Variants in SLC29A3 observed in about 807,000 individuals in gnomAD.
SLC29A3 encodes solute carrier family 29 member 3.
SLC29A3 carries 18 observed loss-of-function variants against 25.4 expected under a neutral mutation model. The ratio of observed to expected loss-of-function variants is 0.71; its 90% CI spans 0.49 to 1.05. The LOEUF (loss-of-function observed/expected upper bound fraction) is 1.05, where lower values mean the gene tolerates loss of function less well. Among genes scored for constraint, SLC29A3 ranks in the 50% least tolerant of loss-of-function variants. SLC29A3 has a pLI of 0.00. For missense variants in SLC29A3, 586 were observed against 609.0 expected (o/e 0.96, Z 0.40); for synonymous variants, 258 against 267.1 (o/e 0.97, Z 0.33).
intron 5 of SLC29A3, among the ~76,000 whole-genome samples, chr10:71,357,117 T>A (rs1319621962): frequency 6.6e-6 from 1 of 151,652 alleles, no homozygotes; most frequent in Non-Finnish European, 1.5e-5. Context: ...AGCTATTTTT[T>A]AAAAAAGTTT....
downstream of SLC29A3, chr10:71,365,476 G>C (rs1184231158): frequency 1.3e-5 from 2 of 152,548 alleles, no homozygotes; most frequent in African/African-American, 4.8e-5. Flanking sequence ...GAGTTGGGGG[G>C]CCAGCCATGG....
chr10:71,376,583 G>A (rs1353302052), intron 4 of SLC29A3, among the ~76,000 whole-genome samples: 1 of 152,128 alleles, frequency 6.6e-6, no homozygotes. Flanking sequence ...AGTACCAGAA[G>A]GGCAAAGAAG....
At chr10:71,347,323 G>A (rs1846617557) in intron 3 of SLC29A3, among the ~76,000 whole-genome samples, 1 of 152,180 alleles carries the variant, frequency 6.6e-6, no homozygotes, top group Non-Finnish European at 1.5e-5. Flanking sequence ...GAGTCAGGGA[G>A]TCGGGGGACC....
chr10:71,363,173 A>G lies in SLC29A3; in HGVS notation c.*565A>G, dbSNP rs984245627. On this transcript the variant is annotated 3_prime_UTR_variant, in exon 6 of 6. Coordinates refer to ENST00000373189, the MANE Select transcript of SLC29A3 (RefSeq NM_018344.6). ...ACTAACCAGACTGGAAAACCCAGAA[A>G]GATGGGCCTTCCATGAATGCTTCAT... 1 of 446,012 alleles carries G rather than the reference A, an allele frequency of 2.2e-6. No homozygotes were observed. Among genetic ancestry groups the G allele is most frequent in the Non-Finnish European group, 4.5e-6 (1 of 222,818 alleles). The allele number at this position is 446,012 out of a possible 1,614,324, so 27.6% of individuals were successfully genotyped here. A position where few individuals can be genotyped will look rare whatever the true frequency, so the allele number is the denominator to read the frequency against.
At chr10:71,352,409 A>G (rs1204871234) in intron 4 of SLC29A3, among the ~76,000 whole-genome samples, 2 of 151,944 alleles carry the variant, frequency 1.3e-5, no homozygotes, top group African/African-American at 2.4e-5. Context: ...TTTTTGGATA[A>G]CATGGTCTGC....
intron 3 of SLC29A3, among the ~76,000 whole-genome samples, chr10:71,375,430 C>G (rs962231099): frequency 1.9e-4 from 29 of 152,326 alleles, no homozygotes; most frequent in African/African-American, 7.0e-4. Flanking sequence ...TTCTTCAACA[C>G]CTCACTAAAA....
At chr10:71,378,101 G>T (rs1564547660) in intron 4 of SLC29A3, among the ~76,000 whole-genome samples, 1 of 138,196 alleles carries the variant, frequency 7.2e-6, no homozygotes, top group East Asian at 2.5e-4. Flanking sequence ...ATGTTGGGGG[G>T]GGGGGTCCTC....
Position 71,328,528 on chromosome 10 carries a change from TGAG to T in SLC29A3, c.300+5479_300+5481del, listed in dbSNP as rs1487152215. On this transcript the variant is annotated intron_variant, in intron 2 of 5. Coordinates refer to ENST00000373189, the MANE Select transcript of SLC29A3 (RefSeq NM_018344.6). ...AACTGTTATCATCCACCATGACAGA[TGAG>T]GAGGCCTCCCCCGCTGGTGAATAAA... Among the ~76,000 whole-genome samples the T allele has an allele frequency of 1.3e-4, 20 of 152,182 alleles. 1 individual carries two copies. The highest frequency in any genetic ancestry group is 1.5e-5 in the Non-Finnish European group (1 of 68,030).
At chr10:71,322,358 A>C (rs908107965) in intron 1 of SLC29A3, among the ~76,000 whole-genome samples, 3 of 152,182 alleles carry the variant, frequency 2.0e-5, no homozygotes, top group African/African-American at 7.2e-5. Flanking sequence ...TTGCCCATTA[A>C]GGGTCCTAAT....
intron 3 of SLC29A3, 65 bp from the exon 4 acceptor site, chr10:71,351,497 A>C: frequency 6.7e-7 from 1 of 1,483,574 alleles, no homozygotes; most frequent in Non-Finnish European, 9.4e-7. Flanking sequence ...AAGGTGGCTC[A>C]CCAGCCCCAG....
chr10:71,323,037 G>A lies in SLC29A3; in HGVS notation c.283G>A (p.Glu95Lys). Residue 95 changes from glutamate (E) to lysine (K), a missense_variant, in exon 2 of 6, where the codon GAG (glutamate) becomes AAG (lysine). Glu to Lys is a moderately conservative substitution (Grantham distance 56). Transcript: ENST00000373189. ...CAGCCCAGCCACCGGGGAGGACCCT[G>A]AGGGCTCAGACATCCTGGTAAGGGC... Reference protein sequence around the residue: ...SSSPATGEDPEGSDILNYFES... With the variant: ...SSSPATGEDPKGSDILNYFES... 4 of 1,613,436 alleles carry A rather than the reference G, an allele frequency of 2.5e-6. No homozygotes were observed. Among genetic ancestry groups the A allele is most frequent in the Non-Finnish European group, 3.4e-6 (4 of 1,180,040 alleles).
chr10:71,324,877 A>C (rs925574076), intron 2 of SLC29A3, among the ~76,000 whole-genome samples: 2 of 152,092 alleles, frequency 1.3e-5, no homozygotes, highest in African/African-American at 4.8e-5. Context: ...AGAAGTCAGG[A>C]CTGGGGGGTC....
intron 3 of SLC29A3, among the ~76,000 whole-genome samples, chr10:71,373,071 C>CA (rs1382073318): frequency 2.0e-5 from 3 of 152,178 alleles, no homozygotes; most frequent in African/African-American, 7.2e-5. Flanking sequence ...AGGGTGTAGT[C>CA]ACACCTCCTA....
chr10:71,378,091 A>G (rs1418510011), intron 4 of SLC29A3, among the ~76,000 whole-genome samples: 2 of 79,572 alleles, frequency 2.5e-5, no homozygotes, highest in Non-Finnish European at 5.7e-5. Flanking sequence ...AGCTTAGACA[A>G]TGTTGGGGGG....
intron 4 of SLC29A3, among the ~76,000 whole-genome samples, chr10:71,354,032 G>A (rs1205135922): frequency 6.6e-6 from 1 of 152,200 alleles, no homozygotes; most frequent in African/African-American, 2.4e-5. Context: ...AAATGTCTAG[G>A]CGGGGATTAC....
rs138976786 is a variant in SLC29A3, at chr10:71,322,828, G to T, written c.74G>T (p.Arg25Leu). 1 of 1,614,184 alleles carries T rather than the reference G, an allele frequency of 6.2e-7. No homozygotes were observed. The highest frequency in any genetic ancestry group is 2.2e-5 in the East Asian group (1 of 44,876). The stretch of plus-strand genomic sequence containing the variant: ...TACAGAACCACAAGCAGCAGTCTCC[G>T]AGCTGACCAGGAGGCACTGCTTGAG... The part of the protein sequence containing the change: ...STYRTTSSSL[R>L]ADQEALLEKL... Residue 25 changes from arginine to leucine, a missense_variant, in exon 2 of 6, where the codon CGA (arginine) becomes CTA (leucine). Coordinates refer to ENST00000373189, the MANE Select transcript of SLC29A3 (RefSeq NM_018344.6).
chr10:71,333,206 T>C (rs974761959), intron 2 of SLC29A3, among the ~76,000 whole-genome samples: 1 of 152,130 alleles, frequency 6.6e-6, no homozygotes, highest in Non-Finnish European at 1.5e-5. Context: ...TCTGCAGCAC[T>C]GGGTGCCTGG....
intron 1 of SLC29A3, among the ~76,000 whole-genome samples, chr10:71,320,196 G>T (rs977428676): frequency 6.6e-6 from 1 of 152,220 alleles, no homozygotes; most frequent in African/African-American, 2.4e-5. Context: ...GGTCCTGAGT[G>T]ACAGGGCTGG....
At chr10:71,349,705 C>G (rs978688086) in intron 3 of SLC29A3, among the ~76,000 whole-genome samples, 1 of 152,156 alleles carries the variant, frequency 6.6e-6, no homozygotes, top group Non-Finnish European at 1.5e-5. Context: ...GTCCACGCCT[C>G]TCCCCAGCAT....
Sources: allele counts gnomAD v4.1 joint callset (sites outside exome capture counted in the v4.1 genomes callset), GRCh38; gene constraint gnomAD v4.1.1; transcripts MANE v1.5; gene names NCBI Gene and HGNC (gene_info 2026-07-23, HGNC 2026-07-21).